The following ZMYND11 variants were observed in gnomAD, a reference collection of about 807,000 sequenced individuals.
The protein encoded by ZMYND11 is zinc finger MYND-type containing 11.
A neutral mutation model predicts 84.9 loss-of-function variants in ZMYND11; 9 were observed. The ratio of observed to expected loss-of-function variants is 0.11; its 90% CI spans 0.06 to 0.18. The LOEUF is 0.18. Among genes scored for constraint, ZMYND11 ranks in the 10% least tolerant of loss-of-function variants. The pLI is 1.00. For missense variants in ZMYND11, 409 were observed against 761.0 expected (o/e 0.54, Z 5.44); for synonymous variants, 250 against 244.1 (o/e 1.02, Z -0.23).
chr10:233,207 C>T (rs1949309843), intron 4 of ZMYND11, among the ~76,000 whole-genome samples: 1 of 141,756 alleles, frequency 7.1e-6, no homozygotes, highest in African/African-American at 2.4e-5. Flanking sequence ...CATCGGTGGG[C>T]TTTTTCCTTT....
intron 1 of ZMYND11, among the ~76,000 whole-genome samples, chr10:163,590 C>A (rs549110910): frequency 2.6e-5 from 4 of 152,166 alleles, no homozygotes; most frequent in African/African-American, 9.6e-5. Context: ...AGATAAAATT[C>A]TATTTCTAAC....
Position 252,318 on chromosome 10 carries a change from C to G in ZMYND11, c.1687-30C>G. 1 of 1,612,700 alleles carries G rather than the reference C, an allele frequency of 6.2e-7. No homozygotes were observed. The highest frequency in any genetic ancestry group is 8.5e-7 in the Non-Finnish European group (1 of 1,179,456). ...GTCGCTTACACATCCACACCCAAGT[C>G]TAAAGACTGCCCCGATTTCTTACCT... On this transcript the variant is annotated intron_variant, in intron 14 of 14. Transcript: ENST00000381604. This position sits in a 1 kb window ranked among gnomAD's most constrained non-coding sequence, Gnocchi z 4.6.
At chr10:235,824 C>A (rs904062938) in intron 4 of ZMYND11, among the ~76,000 whole-genome samples, 1 of 152,200 alleles carries the variant, frequency 6.6e-6, no homozygotes, top group Non-Finnish European at 1.5e-5. Context: ...TAGTTTCTCA[C>A]TAATAAAATG....
At chr10:230,354 TC>T (rs1284262484) in intron 4 of ZMYND11, among the ~76,000 whole-genome samples, 1 of 151,674 alleles carries the variant, frequency 6.6e-6, no homozygotes, top group Non-Finnish European at 1.5e-5. Context: ...GTGCCTGTAG[TC>T]CCAGCTACTC....
chr10:148,391 C>A (rs1469181940), intron 1 of ZMYND11: 1 of 151,452 alleles, frequency 6.6e-6, no homozygotes, highest in African/African-American at 2.4e-5. Context: ...TCCTAACTTC[C>A]TTTGCTCTGG....
Position 186,472 on chromosome 10 carries a change from C to T in ZMYND11, c.116+6344C>T, listed in dbSNP as rs957006113. Reference sequence around the variant, plus strand: ...CCTGGCCAACATAGTGAAACCCTGTCCCTACTAAAAATACAAAAATTAGCT... The same window carrying T: ...CCTGGCCAACATAGTGAAACCCTGTTCCTACTAAAAATACAAAAATTAGCT... On this transcript the variant is annotated intron_variant, in intron 2 of 14. Transcript: ENST00000381604. 2.0e-5 allele frequency among the ~76,000 whole-genome samples: 3 copies of T among 151,726 alleles called. No individual in the cohort carries two copies. In the South Asian group the frequency reaches 6.2e-4, roughly 32 times the overall value.
intron 1 of ZMYND11, among the ~76,000 whole-genome samples, chr10:136,696 A>G (rs1836170565): frequency 6.6e-6 from 1 of 152,064 alleles, no homozygotes; most frequent in Non-Finnish European, 1.5e-5. Context: ...TACAGTGTGT[A>G]TGTAGTACCT....
intron 2 of ZMYND11, among the ~76,000 whole-genome samples, chr10:198,633 G>A (rs966581259): frequency 1.1e-4 from 17 of 152,134 alleles, no homozygotes; most frequent in African/African-American, 4.1e-4. Flanking sequence ...TTTTCCTAGA[G>A]TCACTGGAGG....
chr10:167,855 C>G (rs1554764423), intron 1 of ZMYND11, among the ~76,000 whole-genome samples: 3 of 151,976 alleles, frequency 2.0e-5, no homozygotes, highest in African/African-American at 7.3e-5. Flanking sequence ...TTATCTTTAT[C>G]ATTTTTAGGA....
chr10:249,185 G>A, intron 14 of ZMYND11, 97 bp downstream of exon 14: 1 of 1,565,498 alleles, frequency 6.4e-7, no homozygotes, highest in Non-Finnish European at 8.6e-7. Context: ...TGCAGAAGAT[G>A]TTTCTGAAAT....
chr10:140,119 A>G (rs1837166733), intron 1 of ZMYND11, among the ~76,000 whole-genome samples: 2 of 151,980 alleles, frequency 1.3e-5, no homozygotes, highest in Admixed American at 1.3e-4. Context: ...ACACACACAT[A>G]CACACGCAGA....
At chr10:144,280 A>G (rs1244421001) in intron 1 of ZMYND11, among the ~76,000 whole-genome samples, 1 of 152,090 alleles carries the variant, frequency 6.6e-6, no homozygotes, top group Non-Finnish European at 1.5e-5. Flanking sequence ...GTGCAGTAGC[A>G]CCATAACTGC....
At chr10:189,768 G>A (rs1327573512) in intron 2 of ZMYND11, among the ~76,000 whole-genome samples, 2 of 152,114 alleles carry the variant, frequency 1.3e-5, no homozygotes, top group Non-Finnish European at 2.9e-5. Context: ...ATAATAAGGC[G>A]GTAGTACCAA....
Position 240,985 on chromosome 10 carries a change from T to TA in ZMYND11, c.831+16dup. The stretch of plus-strand genomic sequence containing the variant: ...GTTATCCTTGTGTATGTGAAATTTT[T>TA]ACCTCAAGTGTGTAACATACAGCTC... On this transcript the variant is annotated intron_variant, in intron 9 of 14. Transcript: ENST00000381604. 6.2e-7 allele frequency: 1 copy of TA among 1,604,330 alleles called. No homozygotes were observed.
chr10:209,307 G>A (rs1944756605), intron 2 of ZMYND11, among the ~76,000 whole-genome samples: 1 of 152,108 alleles, frequency 6.6e-6, no homozygotes, highest in Non-Finnish European at 1.5e-5. Flanking sequence ...GGGAATGTTT[G>A]CGTGCTTCAG....
chr10:241,894 G>A, intron 9 of ZMYND11, 127 bp from the exon 10 acceptor site: 1 of 1,171,038 alleles, frequency 8.5e-7, no homozygotes. Context: ...AATCTCGTAT[G>A]TGTTTAGGAG....
chr10:192,233 A>G (rs756066768), intron 2 of ZMYND11, among the ~76,000 whole-genome samples: 1 of 152,198 alleles, frequency 6.6e-6, no homozygotes, highest in Non-Finnish European at 1.5e-5. Context: ...GCGAGAGCTT[A>G]GAGGGGGTGA....
intron 1 of ZMYND11, among the ~76,000 whole-genome samples, chr10:176,299 T>G (rs1209690266): frequency 6.6e-6 from 1 of 152,082 alleles, no homozygotes; most frequent in Admixed American, 6.6e-5. Flanking sequence ...ACTACAGGCT[T>G]CTTGAGAATC....
At chr10:190,330 C>G (rs778112269) in intron 2 of ZMYND11, among the ~76,000 whole-genome samples, 1 of 152,094 alleles carries the variant, frequency 6.6e-6, no homozygotes, top group Non-Finnish European at 1.5e-5. Context: ...TCCTGCTGCC[C>G]GTGAAGTCCA....
Sources: allele counts gnomAD v4.1 joint callset (sites outside exome capture counted in the v4.1 genomes callset), GRCh38; gene constraint gnomAD v4.1.1; non-coding constraint Gnocchi (gnomAD v3.1); transcripts MANE v1.5; gene names NCBI Gene and HGNC (gene_info 2026-07-23, HGNC 2026-07-21).